The following KCNMB2 variants were observed in gnomAD, a reference collection of about 807,000 sequenced individuals.
KCNMB2 encodes the protein potassium calcium-activated channel subfamily M regulatory beta subunit 2, also known as calcium-activated potassium channel subunit beta-2.
A neutral mutation model predicts 24.5 loss-of-function variants in KCNMB2; 9 were observed. The observed-to-expected ratio is 0.37, with a 90% CI of 0.22 to 0.64. The LOEUF (loss-of-function observed/expected upper bound fraction) is 0.64, where lower values mean the gene tolerates loss of function less well. Among genes scored for constraint, KCNMB2 ranks in the 30% least tolerant of loss-of-function variants. KCNMB2 has a pLI of 0.63. For missense variants in KCNMB2, 226 were observed against 284.3 expected (o/e 0.79, Z 1.47); for synonymous variants, 109 against 104.4 (o/e 1.04, Z -0.27).
chr3:178,624,369 G>A (rs1719030055), intron 1 of KCNMB2, among the ~76,000 whole-genome samples: 1 of 151,430 alleles, frequency 6.6e-6, no homozygotes, highest in South Asian at 2.1e-4. Context: ...GTTTTTTGTA[G>A]CTGCAAAATA....
chr3:178,651,797 C>G (rs374281788), intron 1 of KCNMB2, among the ~76,000 whole-genome samples: 4 of 152,120 alleles, frequency 2.6e-5, no homozygotes, highest in African/African-American at 9.7e-5. Context: ...CTTTGACAAA[C>G]CTGAGAAAAA....
chr3:178,717,054 A>G (rs930453116), intron 1 of KCNMB2, among the ~76,000 whole-genome samples: 4 of 144,536 alleles, frequency 2.8e-5, no homozygotes, highest in African/African-American at 5.0e-5. Context: ...CAGCAACTTA[A>G]AAAAAAAAAA....
At chr3:178,757,040 T>A (rs1577154031) in intron 1 of KCNMB2, 1 of 151,800 alleles carries the variant, frequency 6.6e-6, no homozygotes, top group East Asian at 1.9e-4. Flanking sequence ...TATATATGTA[T>A]ATTTCAGAGC....
At chr3:178,656,933 A>G (rs1243116250) in intron 1 of KCNMB2, among the ~76,000 whole-genome samples, 1 of 152,096 alleles carries the variant, frequency 6.6e-6, no homozygotes, top group African/African-American at 2.4e-5. Flanking sequence ...CTGAAGTTAA[A>G]AAAAGAAAAA....
intron 1 of KCNMB2, among the ~76,000 whole-genome samples, chr3:178,764,934 T>C (rs1022655842): frequency 6.6e-6 from 1 of 152,214 alleles, no homozygotes; most frequent in Non-Finnish European, 1.5e-5. Flanking sequence ...AAGTAAAGTA[T>C]AATACTTTGT....
At chr3:178,548,602 C>T (rs905782992) in intron 1 of KCNMB2, among the ~76,000 whole-genome samples, 1 of 152,122 alleles carries the variant, frequency 6.6e-6, no homozygotes, top group Admixed American at 6.6e-5. Flanking sequence ...GTCTCTTTCC[C>T]CTCTCATTTC....
At chr3:178,733,092 T>C (rs1358027551) in intron 1 of KCNMB2, among the ~76,000 whole-genome samples, 1 of 152,158 alleles carries the variant, frequency 6.6e-6, no homozygotes, top group African/African-American at 2.4e-5. Flanking sequence ...GTCATAAAAA[T>C]AGAGTAGATA....
At position 178,780,053 on chromosome 3, in the gene KCNMB2, TAAAA is replaced by T. The variant is rs11406849; in HGVS notation, c.-67-27274_-67-27271del. ...ATGGTGACCAATTAGTTGTTTTTTT[TAAAA>T]AAAAAAAAAAAAAAAGCACTATGAA... On this transcript the variant is annotated intron_variant, in intron 1 of 4. Coordinates refer to ENST00000452583, the MANE Select transcript of KCNMB2 (RefSeq NM_181361.3). 1.3e-3 allele frequency among the ~76,000 whole-genome samples: 179 copies of T among 134,026 alleles called. 1 individual carries two copies. Among genetic ancestry groups the T allele is most frequent in the South Asian group, 0.012 (49 of 4,252 alleles). The allele number at this position is 134,026 out of a possible 152,430, so 87.9% of individuals were successfully genotyped here.
intron 1 of KCNMB2, among the ~76,000 whole-genome samples, chr3:178,593,222 T>A (rs571426049): frequency 2.0e-5 from 3 of 152,096 alleles, no homozygotes; most frequent in African/African-American, 4.8e-5. Flanking sequence ...CAGAAACTTT[T>A]AAAATATTTA....
At chr3:178,720,053 A>G (rs1051152690) in intron 1 of KCNMB2, among the ~76,000 whole-genome samples, 1 of 152,080 alleles carries the variant, frequency 6.6e-6, no homozygotes. Flanking sequence ...ATATGTATAC[A>G]TGTGCCATGT....
intron 1 of KCNMB2, among the ~76,000 whole-genome samples, chr3:178,678,364 G>C (rs1299817335): frequency 6.6e-6 from 1 of 152,184 alleles, no homozygotes; most frequent in Non-Finnish European, 1.5e-5. Flanking sequence ...TTGCCACAAA[G>C]AGCCCATTCC....
At chr3:178,650,275 T>C (rs1195071163) in intron 1 of KCNMB2, among the ~76,000 whole-genome samples, 1 of 152,184 alleles carries the variant, frequency 6.6e-6, no homozygotes, top group African/African-American at 2.4e-5. Context: ...ATGTGGTCAA[T>C]TTTAGAATAA....
chr3:178,650,643 T>C (rs1488350212), intron 1 of KCNMB2, among the ~76,000 whole-genome samples: 1 of 152,052 alleles, frequency 6.6e-6, no homozygotes, highest in Non-Finnish European at 1.5e-5. Flanking sequence ...TGATGAACAT[T>C]GATGCGAAAA....
chr3:178,609,959 T>C (rs1718423618), intron 1 of KCNMB2, among the ~76,000 whole-genome samples: 1 of 152,264 alleles, frequency 6.6e-6, no homozygotes, highest in Admixed American at 6.5e-5. Flanking sequence ...TTCTGTATGG[T>C]AAGAGACAAA....
intron 1 of KCNMB2, among the ~76,000 whole-genome samples, chr3:178,706,465 T>C (rs555340436): frequency 2.6e-5 from 4 of 152,144 alleles, no homozygotes; most frequent in South Asian, 4.2e-4. Context: ...ATTTAGAAGG[T>C]CCACGCTATT....
intron 1 of KCNMB2, among the ~76,000 whole-genome samples, chr3:178,606,808 G>C (rs2108512199): frequency 6.6e-6 from 1 of 152,210 alleles, no homozygotes; most frequent in South Asian, 2.1e-4. Flanking sequence ...AAGTCACAAG[G>C]GCAGAGCCCT....
intron 1 of KCNMB2, among the ~76,000 whole-genome samples, chr3:178,635,543 G>A (rs1719490868): frequency 6.6e-6 from 1 of 152,070 alleles, no homozygotes; most frequent in Admixed American, 6.6e-5. Flanking sequence ...GAAATTCTGT[G>A]TCACAGTTTT....
intron 2 of KCNMB2, among the ~76,000 whole-genome samples, chr3:178,821,046 C>T (rs902306599): frequency 1.3e-5 from 2 of 152,152 alleles, no homozygotes; most frequent in African/African-American, 2.4e-5. Context: ...TTGGGCAGCA[C>T]ACTTAGTCAA....
At chr3:178,751,206 C>T (rs192477858) in intron 1 of KCNMB2, among the ~76,000 whole-genome samples, 1 of 152,138 alleles carries the variant, frequency 6.6e-6, no homozygotes, top group East Asian at 1.9e-4. Flanking sequence ...TTTTAGGTTC[C>T]AAGAAGACCA....
Sources: gnomAD v4.1 joint callset for allele counts (sites outside exome capture counted in the v4.1 genomes callset) on GRCh38, gnomAD v4.1.1 for gene constraint, MANE v1.5 for transcripts, NCBI Gene and HGNC (gene_info 2026-07-23, HGNC 2026-07-21) for gene names.